The following PARD3B variants were observed in gnomAD, a reference collection of about 807,000 sequenced individuals.
PARD3B encodes the protein partitioning defective 3 homolog B.
In PARD3B, 103 loss-of-function variants were observed where a neutral mutation model predicts 130.2. The observed-to-expected ratio is 0.79, with a 90% CI of 0.67 to 0.93. PARD3B has a LOEUF of 0.93. PARD3B is among the 40% of genes least tolerant of loss of function. PARD3B has a pLI of 0.00. For synonymous variants in PARD3B, 583 were observed against 553.2 expected, an observed-to-expected ratio of 1.05 and a Z score of -0.76; for missense variants, 1,609 against 1,499.2, an observed-to-expected ratio of 1.07 and a Z score of -1.21.
chr2:204,840,015 G>T (rs183463131), intron 2 of PARD3B, among the ~76,000 whole-genome samples: 1 of 151,936 alleles, frequency 6.6e-6, no homozygotes. Context: ...TCTTTCCTCA[G>T]CCCCAAAAGC....
At chr2:205,569,431 T>A (rs2053482848) in intron 22 of PARD3B, among the ~76,000 whole-genome samples, 1 of 152,226 alleles carries the variant, frequency 6.6e-6, no homozygotes, top group South Asian at 2.1e-4. Context: ...TTATGAAATA[T>A]CCATACTTTC....
At chr2:204,861,218 C>CTCTCT (rs2045186178) in intron 2 of PARD3B, among the ~76,000 whole-genome samples, 2 of 119,422 alleles carry the variant, frequency 1.7e-5, no homozygotes, top group Non-Finnish European at 3.5e-5. Context: ...CTCTCTCGTA[C>CTCTCT]CTCTTATTTG....
intron 4 of PARD3B, among the ~76,000 whole-genome samples, chr2:205,081,050 GGTT>G (rs745494497): frequency 5.3e-5 from 8 of 151,866 alleles, no homozygotes; most frequent in Non-Finnish European, 1.0e-4. Flanking sequence ...CAAAAACATG[GGTT>G]GTGGGTATCT....
intron 1 of PARD3B, among the ~76,000 whole-genome samples, chr2:204,624,349 C>T (rs1160066784): frequency 6.6e-6 from 1 of 151,980 alleles, no homozygotes; most frequent in Non-Finnish European, 1.5e-5. Flanking sequence ...AAAATTGGAA[C>T]TTTTGTACAC....
At chr2:205,112,455 C>T (rs1181619980) in intron 5 of PARD3B, among the ~76,000 whole-genome samples, 1 of 152,042 alleles carries the variant, frequency 6.6e-6, no homozygotes, top group Non-Finnish European at 1.5e-5. Context: ...GTCAAAATTT[C>T]ACCATTTTCA....
intron 19 of PARD3B, among the ~76,000 whole-genome samples, chr2:205,425,138 G>A (rs1464181602): frequency 6.6e-6 from 1 of 152,142 alleles, no homozygotes; most frequent in Non-Finnish European, 1.5e-5. Context: ...TTTGTAGGGG[G>A]ACTGTCTAGG....
intron 15 of PARD3B, among the ~76,000 whole-genome samples, chr2:205,196,005 T>C (rs2036663051): frequency 1.3e-5 from 2 of 152,200 alleles, no homozygotes; most frequent in Admixed American, 6.5e-5. Flanking sequence ...GAGTCATTGT[T>C]CATCTGCTCA....
intron 4 of PARD3B, among the ~76,000 whole-genome samples, chr2:205,101,720 T>C (rs1355990661): frequency 2.0e-5 from 3 of 152,206 alleles, no homozygotes; most frequent in Non-Finnish European, 4.4e-5. Flanking sequence ...AAAATACTGA[T>C]ATATGCTACA....
chr2:205,252,837 G>T (rs1389792066), intron 16 of PARD3B, among the ~76,000 whole-genome samples: 2 of 66,146 alleles, frequency 3.0e-5, no homozygotes, highest in Non-Finnish European at 6.6e-5. Context: ...AACCTGAAGG[G>T]ACCCCCCCCC....
At chr2:204,727,590 G>T (rs1024211339) in intron 2 of PARD3B, among the ~76,000 whole-genome samples, 1 of 152,186 alleles carries the variant, frequency 6.6e-6, no homozygotes, top group Non-Finnish European at 1.5e-5. Flanking sequence ...TGGCAGGCTG[G>T]AAAGGGTAGC....
intron 10 of PARD3B, among the ~76,000 whole-genome samples, chr2:205,149,957 A>G (rs904451108): frequency 6.6e-6 from 1 of 152,132 alleles, no homozygotes; most frequent in African/African-American, 2.4e-5. Flanking sequence ...ACCCACAACA[A>G]AAAATTATCA....
chr2:205,182,592 AG>A (rs2035856420), intron 13 of PARD3B, among the ~76,000 whole-genome samples: 1 of 152,250 alleles, frequency 6.6e-6, no homozygotes, highest in Admixed American at 6.5e-5. Context: ...AATAGATAAT[AG>A]CTTGATAGAA....
At chr2:205,577,925 T>C (rs1322232473) in intron 22 of PARD3B, among the ~76,000 whole-genome samples, 1 of 152,216 alleles carries the variant, frequency 6.6e-6, no homozygotes, top group African/African-American at 2.4e-5. Context: ...ATAACATTTA[T>C]TTCTGGAACA....
intron 18 of PARD3B, among the ~76,000 whole-genome samples, chr2:205,338,486 C>A (rs1382552168): frequency 6.6e-6 from 1 of 152,118 alleles, no homozygotes; most frequent in Non-Finnish European, 1.5e-5. Context: ...AGCAGTAATA[C>A]ATAATGTAAC....
At chr2:205,374,726 A>G (rs996518357) in intron 18 of PARD3B, among the ~76,000 whole-genome samples, 3 of 152,190 alleles carry the variant, frequency 2.0e-5, no homozygotes, top group South Asian at 2.1e-4. Context: ...ACAAAATTTA[A>G]TTAGTAGTCT....
In PARD3B at chr2:205,146,557, A is replaced by G. The variant is rs2125685226; in HGVS notation, c.1435-12165A>G. Among the ~76,000 whole-genome samples, 1 of 151,854 alleles carries G rather than the reference A, an allele frequency of 6.6e-6. No homozygotes were observed. Among genetic ancestry groups the G allele is most frequent in the Non-Finnish European group, 1.5e-5 (1 of 67,920 alleles). On this transcript the variant is annotated intron_variant, in intron 10 of 22. Transcript: ENST00000406610. This position sits in a 1 kb window ranked among gnomAD's most constrained non-coding sequence, Gnocchi z 4.3. ...TCCCAGCTACTCGGGAGGCTGAGGC[A>G]GGAGAATGGCGTGAACCCGGGAGGC...
intron 4 of PARD3B, among the ~76,000 whole-genome samples, chr2:205,099,053 A>G (rs1385292934): frequency 6.6e-6 from 1 of 152,190 alleles, no homozygotes; most frequent in Non-Finnish European, 1.5e-5. Context: ...AACATCTTAA[A>G]GGTGTCTGAC....
intron 15 of PARD3B, among the ~76,000 whole-genome samples, chr2:205,228,378 T>C (rs2038670357): frequency 6.6e-6 from 1 of 152,224 alleles, no homozygotes; most frequent in African/African-American, 2.4e-5. Context: ...TATACTATTC[T>C]AGAATAAAAA....
intron 2 of PARD3B, among the ~76,000 whole-genome samples, chr2:204,710,839 C>G (rs2038400269): frequency 1.3e-5 from 2 of 152,156 alleles, no homozygotes; most frequent in East Asian, 3.8e-4. Context: ...CTGTCACTGA[C>G]ACAAGTGAAA....
Sources: allele counts gnomAD v4.1 joint callset (sites outside exome capture counted in the v4.1 genomes callset), GRCh38; gene constraint gnomAD v4.1.1; non-coding constraint Gnocchi (gnomAD v3.1); transcripts MANE v1.5; gene names NCBI Gene and HGNC (gene_info 2026-07-23, HGNC 2026-07-21).